PROS1: variants seen among roughly 807,000 people sequenced by gnomAD.
PROS1 encodes vitamin K-dependent protein S.
Under a neutral mutation model 75.9 loss-of-function variants are expected in PROS1, and 29 were observed. The ratio of observed to expected loss-of-function variants is 0.38; its 90% CI spans 0.28 to 0.52. PROS1 has a LOEUF of 0.52. Ranked by LOEUF, PROS1 falls within the 20% of genes least tolerant of loss-of-function variation. The pLI is 0.83. For synonymous variants in PROS1, 245 were observed against 280.6 expected (o/e 0.87, Z 1.27); for missense variants, 680 against 810.3 (o/e 0.84, Z 1.95).
At chr3:93,903,289 AG>A (rs1708624895) in intron 6 of PROS1, among the ~76,000 whole-genome samples, 1 of 152,224 alleles carries the variant, frequency 6.6e-6, no homozygotes, top group Admixed American at 6.5e-5. Context: ...CCTATTAATA[AG>A]AGCACTTTTG....
At chr3:93,918,908 A>C (rs1357891208) in intron 3 of PROS1, among the ~76,000 whole-genome samples, 1 of 151,904 alleles carries the variant, frequency 6.6e-6, no homozygotes, top group African/African-American at 2.4e-5. Flanking sequence ...TTTCATTTCC[A>C]TGTTTTTTTT....
chr3:93,909,886 A>C, intron 4 of PROS1, among the ~76,000 whole-genome samples: 1 of 152,292 alleles, frequency 6.6e-6, no homozygotes, highest in Middle Eastern at 3.4e-3. Flanking sequence ...ATTTTTATCA[A>C]AATTATTATT....
intron 13 of PROS1, among the ~76,000 whole-genome samples, chr3:93,877,578 A>G (rs1424215641): frequency 6.6e-6 from 1 of 152,176 alleles, no homozygotes; most frequent in Non-Finnish European, 1.5e-5. Flanking sequence ...GACTTGGGAA[A>G]TTTAAAATGC....
intron 1 of PROS1, among the ~76,000 whole-genome samples, chr3:93,956,531 TCTACACAC>T (rs1709602683): frequency 1.6e-5 from 2 of 124,948 alleles, no homozygotes; most frequent in South Asian, 5.5e-4. Flanking sequence ...TCTCTCTCTC[TCTACACAC>T]ACACACACAC....
chr3:93,933,433 G>A (rs771987502), intron 1 of PROS1, among the ~76,000 whole-genome samples: 1 of 151,920 alleles, frequency 6.6e-6, no homozygotes, highest in Non-Finnish European at 1.5e-5. Context: ...AAAGTAGCTG[G>A]GCATGGTGGC....
At chr3:93,960,363 G>A (rs915712526) in intron 1 of PROS1, among the ~76,000 whole-genome samples, 1 of 151,622 alleles carries the variant, frequency 6.6e-6, no homozygotes, top group African/African-American at 2.4e-5. Flanking sequence ...ATTTTTAGTA[G>A]AGATGAGTTT....
intron 1 of PROS1, among the ~76,000 whole-genome samples, chr3:93,948,858 T>C (rs1709446777): frequency 6.6e-6 from 1 of 152,222 alleles, no homozygotes; most frequent in Non-Finnish European, 1.5e-5. Context: ...CCTTTGAGGT[T>C]ATTTGCTCTA....
At chr3:93,957,809 T>C (rs1709628389) in intron 1 of PROS1, among the ~76,000 whole-genome samples, 1 of 152,154 alleles carries the variant, frequency 6.6e-6, no homozygotes, top group Non-Finnish European at 1.5e-5. Flanking sequence ...GACTGGGCAA[T>C]TTATTTTAAA....
chr3:93,904,786 G>A (rs562651824), intron 6 of PROS1, among the ~76,000 whole-genome samples: 4 of 151,968 alleles, frequency 2.6e-5, no homozygotes, highest in Admixed American at 6.5e-5. Flanking sequence ...CATTAACACA[G>A]CCAAACTGAA....
intron 1 of PROS1, among the ~76,000 whole-genome samples, chr3:93,935,510 T>C (rs1709169238): frequency 6.6e-6 from 1 of 152,132 alleles, no homozygotes; most frequent in Non-Finnish European, 1.5e-5. Context: ...ACAGGCAAAG[T>C]GTTCCTGGAC....
chr3:93,949,814 G>A (rs544127616), intron 1 of PROS1, among the ~76,000 whole-genome samples: 14 of 152,286 alleles, frequency 9.2e-5, no homozygotes, highest in East Asian at 1.9e-4. Context: ...CTGAGGTACC[G>A]GGTTCATGTC....
intron 10 of PROS1, among the ~76,000 whole-genome samples, chr3:93,890,007 A>G (rs757369961): frequency 2.0e-5 from 3 of 152,160 alleles, no homozygotes; most frequent in Non-Finnish European, 4.4e-5. Flanking sequence ...AGTAGGGAAG[A>G]TATTGCTAAA....
chr3:93,944,778 C>T (rs1467410135), intron 1 of PROS1, among the ~76,000 whole-genome samples: 2 of 152,060 alleles, frequency 1.3e-5, no homozygotes, highest in South Asian at 2.1e-4. Context: ...CATTCAAAAG[C>T]TAGCAGAAGG....
At chr3:93,950,699 G>C (rs1022981191) in intron 1 of PROS1, among the ~76,000 whole-genome samples, 6 of 152,202 alleles carry the variant, frequency 3.9e-5, no homozygotes, top group African/African-American at 1.2e-4. Flanking sequence ...CATCATTAAA[G>C]ACCAAAGGTA....
chr3:93,954,305 T>C (rs1180020425), intron 1 of PROS1, among the ~76,000 whole-genome samples: 1 of 152,098 alleles, frequency 6.6e-6, no homozygotes, highest in Non-Finnish European at 1.5e-5. Context: ...TGGAGGCATC[T>C]TGCTACCTCA....
rs767438604 is a variant in PROS1, at chr3:93,973,860, G to A, written c.-111C>T. 3 of 875,710 alleles carry A rather than the reference G, an allele frequency of 3.4e-6. No homozygotes were observed. Among genetic ancestry groups the A allele is most frequent in the Non-Finnish European group, 4.7e-6 (3 of 641,372 alleles). 54.2% of individuals were successfully genotyped at this position (875,710 alleles called of 1,614,324 possible). A position where few individuals can be genotyped will look rare whatever the true frequency, so the allele number is the denominator to read the frequency against. ...TGCGCCTCGGTCTGAGCCGTGCTGC[G>A]CGGCGGCGCCAGCGACCCAGCGAGC... On this transcript the variant is annotated 5_prime_UTR_variant, in exon 1 of 15. Transcript: ENST00000394236.
chr3:93,952,156 A>C (rs1189239027), intron 1 of PROS1, among the ~76,000 whole-genome samples: 6 of 152,082 alleles, frequency 3.9e-5, no homozygotes, highest in African/African-American at 1.2e-4. Flanking sequence ...CCCCACTGTC[A>C]ACATTAGATC....
At chr3:93,905,164 C>T (rs1230338815) in intron 6 of PROS1, among the ~76,000 whole-genome samples, 2 of 152,152 alleles carry the variant, frequency 1.3e-5, no homozygotes, top group Non-Finnish European at 2.9e-5. Flanking sequence ...TGTCTGAAAA[C>T]AGGATAAACA....
chr3:93,961,935 A>G (rs1709711059), intron 1 of PROS1, among the ~76,000 whole-genome samples: 1 of 152,046 alleles, frequency 6.6e-6, no homozygotes, highest in South Asian at 2.1e-4. Flanking sequence ...TTTTTACGTC[A>G]CCCCTACCTA....
Sources: allele counts gnomAD v4.1 joint callset (sites outside exome capture counted in the v4.1 genomes callset), GRCh38; gene constraint gnomAD v4.1.1; transcripts MANE v1.5; gene names NCBI Gene and HGNC (gene_info 2026-07-23, HGNC 2026-07-21).